LARGE1: variants seen among roughly 807,000 people sequenced by gnomAD.
LARGE1 encodes the protein LARGE xylosyl- and glucuronyltransferase 1, also known as xylosyl- and glucuronyltransferase LARGE1.
LARGE1 carries 43 observed loss-of-function variants against 87.6 expected under a neutral mutation model. The ratio of observed to expected loss-of-function variants is 0.49; its 90% CI spans 0.38 to 0.63. LARGE1 has a LOEUF of 0.63. LARGE1 is among the 30% of genes least tolerant of loss of function. The pLI, the probability that LARGE1 is intolerant of heterozygous loss-of-function variation, is 0.00. For missense variants in LARGE1, 802 were observed against 1,000.2 expected, an observed-to-expected ratio of 0.80 and a Z score of 2.67; for synonymous variants, 434 against 394.6, an observed-to-expected ratio of 1.10 and a Z score of -1.18.
intron 1 of LARGE1, among the ~76,000 whole-genome samples, chr22:33,841,213 T>A (rs1402059143): frequency 1.3e-5 from 2 of 152,074 alleles, no homozygotes; most frequent in Non-Finnish European, 2.9e-5. Flanking sequence ...CCAAGGTGCG[T>A]CTGTTCTGTT....
chr22:33,386,409 T>C (rs1299848464), intron 7 of LARGE1, among the ~76,000 whole-genome samples: 1 of 148,908 alleles, frequency 6.7e-6, no homozygotes, highest in East Asian at 1.9e-4. Context: ...TGTCTTTTGT[T>C]GACTCTCAGT....
chr22:33,202,148 G>GT (rs1280244550), intron 11 of LARGE1, among the ~76,000 whole-genome samples: 1 of 151,602 alleles, frequency 6.6e-6, no homozygotes, highest in Non-Finnish European at 1.5e-5. Flanking sequence ...GCTGAGAAAC[G>GT]TAACAATTGT....
chr22:33,564,708 C>A lies in LARGE1; in HGVS notation c.787+140G>T, dbSNP rs1305292595. Reference sequence around the variant, plus strand: ...AAATCCAAGCAGAGTTGATATTGAACCATATTTGTAATTCCTCACCCACTG... The same window carrying A: ...AAATCCAAGCAGAGTTGATATTGAAACATATTTGTAATTCCTCACCCACTG... On this transcript the variant is annotated intron_variant, in intron 6 of 14. Coordinates refer to ENST00000397394, the MANE Select transcript of LARGE1 (RefSeq NM_133642.5). The A allele has an allele frequency of 3.0e-5, 24 of 797,544 alleles. No individual in the cohort carries two copies. The Admixed American group carries it at 4.8e-4, about 16-fold the overall frequency. The allele number at this position is 797,544 out of a possible 1,614,324, so 49.4% of individuals were successfully genotyped here.
the LARGE1 span, among the ~76,000 whole-genome samples, chr22:33,082,692 G>A: frequency 2.6e-5 from 4 of 152,210 alleles, no homozygotes; most frequent in Admixed American, 2.6e-4. Context: ...AGCTCCTTCC[G>A]GACCACAATG....
At chr22:33,313,061 G>T (rs1382415392) in intron 11 of LARGE1, among the ~76,000 whole-genome samples, 1 of 152,084 alleles carries the variant, frequency 6.6e-6, no homozygotes, top group African/African-American at 2.4e-5. Context: ...GGAAGGGCTG[G>T]CCACCTCCCC....
At chr22:33,538,175 A>T (rs1262728857) in intron 6 of LARGE1, among the ~76,000 whole-genome samples, 1 of 152,180 alleles carries the variant, frequency 6.6e-6, no homozygotes, top group African/African-American at 2.4e-5. Flanking sequence ...ACTGCTGCCT[A>T]GTCTTCAAAG....
chr22:33,485,393 T>C (rs2148239749), intron 6 of LARGE1, among the ~76,000 whole-genome samples: 1 of 152,198 alleles, frequency 6.6e-6, no homozygotes, highest in Non-Finnish European at 1.5e-5. Context: ...TTTGTATTTT[T>C]AGTAGAGACC....
At position 33,748,281 on chromosome 22, in the gene LARGE1, G is replaced by C. The variant is rs910408136; in HGVS notation, c.106+13090C>G. On this transcript the variant is annotated intron_variant, in intron 2 of 14. Coordinates refer to ENST00000397394, the MANE Select transcript of LARGE1 (RefSeq NM_133642.5). ...CGAGTAGCTGGGATTACAGGTGCCC[G>C]CCATCACGCCTGCCTAATTTTTTGT... 3.3e-5 allele frequency among the ~76,000 whole-genome samples: 5 copies of C among 151,680 alleles called. No individual in the cohort carries two copies. In the East Asian group the frequency reaches 9.7e-4, roughly 29 times the overall value.
At chr22:33,144,884 C>A in the LARGE1 span, among the ~76,000 whole-genome samples, 2 of 152,070 alleles carry the variant, frequency 1.3e-5, no homozygotes, top group East Asian at 3.9e-4. Context: ...AATTGCTAAA[C>A]AGATGGCAGG....
At chr22:33,393,854 G>A (rs578170106) in intron 7 of LARGE1, among the ~76,000 whole-genome samples, 36 of 152,166 alleles carry the variant, frequency 2.4e-4, no homozygotes, top group Admixed American at 3.9e-4. Flanking sequence ...AGAGACCAAC[G>A]CTAAATAAAT....
intron 6 of LARGE1, among the ~76,000 whole-genome samples, chr22:33,483,545 G>T (rs781713799): frequency 3.3e-5 from 5 of 152,076 alleles, no homozygotes; most frequent in Non-Finnish European, 7.4e-5. Flanking sequence ...GGTTAAAGAT[G>T]GTCAAACAGC....
intron 1 of LARGE1, among the ~76,000 whole-genome samples, chr22:33,906,105 G>A (rs1045641358): frequency 1.5e-4 from 23 of 152,052 alleles, no homozygotes; most frequent in African/African-American, 5.6e-4. Context: ...ACTCCGGCCT[G>A]GGCAACGGAG....
chr22:33,387,525 T>TG (rs57007465), intron 7 of LARGE1, among the ~76,000 whole-genome samples: 12,257 of 110,188 alleles, frequency 0.11, 1,026 homozygotes, highest in African/African-American at 0.22. Flanking sequence ...TATTAAAAAA[T>TG]GGGGGGGGGG....
chr22:33,302,726 G>C (rs889391203), intron 12 of LARGE1, among the ~76,000 whole-genome samples: 1 of 152,154 alleles, frequency 6.6e-6, no homozygotes, highest in African/African-American at 2.4e-5. Context: ...TGCCTGGTTT[G>C]CGACAAACAG....
exon 12 of LARGE1, chr22:33,164,377 A>C (rs1922152239): frequency 6.6e-6 from 1 of 152,218 alleles, no homozygotes; most frequent in Non-Finnish European, 1.5e-5. Context: ...CCAGGTGAGA[A>C]AATAAAACAT....
At chr22:33,789,616 G>A (rs754671076) in intron 1 of LARGE1, among the ~76,000 whole-genome samples, 19 of 152,208 alleles carry the variant, frequency 1.2e-4, no homozygotes, top group Non-Finnish European at 2.5e-4. Context: ...AGTCACAGGG[G>A]TAGAGCTACC....
intron 2 of LARGE1, among the ~76,000 whole-genome samples, chr22:33,675,146 T>C (rs952039783): frequency 2.6e-5 from 4 of 151,230 alleles, no homozygotes; most frequent in African/African-American, 9.7e-5. Context: ...TACAAAAAAT[T>C]AGCTGGGCAT....
intron 6 of LARGE1, among the ~76,000 whole-genome samples, chr22:33,550,917 G>A (rs1169538695): frequency 6.6e-6 from 1 of 152,148 alleles, no homozygotes; most frequent in African/African-American, 2.4e-5. Context: ...TGGAACTGGA[G>A]GTTACTGTCT....
chr22:33,460,067 C>T (rs895728538), intron 6 of LARGE1, among the ~76,000 whole-genome samples: 13 of 152,346 alleles, frequency 8.5e-5, no homozygotes, highest in Admixed American at 2.6e-4. Flanking sequence ...GGTCTTCAAA[C>T]GCATGGCATG....
Sources: allele counts gnomAD v4.1 joint callset (sites outside exome capture counted in the v4.1 genomes callset), GRCh38; gene constraint gnomAD v4.1.1; transcripts MANE v1.5; gene names NCBI Gene and HGNC (gene_info 2026-07-23, HGNC 2026-07-21).